Variants in HMGCLL1 observed in about 807,000 individuals in gnomAD.
HMGCLL1 encodes 3-hydroxy-3-methylglutaryl-CoA lyase like 1.
HMGCLL1 carries 36 observed loss-of-function variants against 39.1 expected under a neutral mutation model. That is an observed-to-expected ratio of 0.92 (90% CI 0.71 to 1.22). The LOEUF (loss-of-function observed/expected upper bound fraction) is 1.22, where lower values mean the gene tolerates loss of function less well. Among genes scored for constraint, HMGCLL1 ranks in the 50% most tolerant of loss-of-function variants. HMGCLL1 has a pLI of 0.00. For synonymous variants in HMGCLL1, 149 were observed against 144.0 expected (o/e 1.03, Z -0.25); for missense variants, 451 against 416.5 (o/e 1.08, Z -0.72).
intron 1 of HMGCLL1, among the ~76,000 whole-genome samples, chr6:55,565,222 G>A (rs114367301): frequency 0.016 from 2,378 of 152,124 alleles, 63 homozygotes; most frequent in African/African-American, 0.054. Context: ...GAGTGGCCTA[G>A]AGTGGGTTTT....
the HMGCLL1 span, among the ~76,000 whole-genome samples, chr6:55,585,190 C>A: frequency 6.6e-6 from 1 of 152,024 alleles, no homozygotes; most frequent in Non-Finnish European, 1.5e-5. Context: ...CACCCCACCC[C>A]AGGTGATGAG....
At chr6:55,567,671 C>T (rs1236342850) in intron 1 of HMGCLL1, among the ~76,000 whole-genome samples, 1 of 152,158 alleles carries the variant, frequency 6.6e-6, no homozygotes, top group African/African-American at 2.4e-5. Context: ...GAATGGAGAA[C>T]TGAACTTTCA....
intron 1 of HMGCLL1, among the ~76,000 whole-genome samples, chr6:55,572,008 A>G (rs1458924693): frequency 7.1e-6 from 1 of 141,740 alleles, no homozygotes; most frequent in Non-Finnish European, 1.5e-5. Flanking sequence ...AAAGAAAATT[A>G]AAATGCTAAT....
At chr6:55,646,524 G>A in the HMGCLL1 span, among the ~76,000 whole-genome samples, 1 of 151,628 alleles carries the variant, frequency 6.6e-6, no homozygotes, top group Admixed American at 6.6e-5. Context: ...TGATGCAAGT[G>A]CTTACAACTA....
chr6:55,481,563 G>T (rs1765743268), intron 7 of HMGCLL1, among the ~76,000 whole-genome samples: 1 of 81,736 alleles, frequency 1.2e-5, no homozygotes, highest in Non-Finnish European at 2.6e-5. Flanking sequence ...AATAATAAGT[G>T]GGATACAAGA....
chr6:55,631,357 G>A, the HMGCLL1 span, among the ~76,000 whole-genome samples: 939 of 151,994 alleles, frequency 6.2e-3, 13 homozygotes, highest in African/African-American at 0.021. Context: ...TGGGTGGTAG[G>A]CAATAACTTG....
the HMGCLL1 span, among the ~76,000 whole-genome samples, chr6:55,653,694 C>T: frequency 6.6e-6 from 1 of 152,034 alleles, no homozygotes; most frequent in Middle Eastern, 3.4e-3. Flanking sequence ...TAAGGTATTA[C>T]CAATAGGAAC....
chr6:55,675,216 T>A, the HMGCLL1 span, among the ~76,000 whole-genome samples: 1 of 152,090 alleles, frequency 6.6e-6, no homozygotes, highest in Non-Finnish European at 1.5e-5. Context: ...ACCAGAAGTT[T>A]CGATAGTAAA....
At chr6:55,512,475 G>A (rs1767515541) in intron 5 of HMGCLL1, 1 of 151,892 alleles carries the variant, frequency 6.6e-6, no homozygotes, top group Non-Finnish European at 1.5e-5. Context: ...TATGTCTTTG[G>A]AAGTACATTG....
the HMGCLL1 span, among the ~76,000 whole-genome samples, chr6:55,603,834 C>A: frequency 3.3e-5 from 5 of 152,182 alleles, no homozygotes; most frequent in South Asian, 1.0e-3. Context: ...TAGATTTCTG[C>A]CACAAGAATG....
chr6:55,656,411 A>G, the HMGCLL1 span, among the ~76,000 whole-genome samples: 1 of 151,996 alleles, frequency 6.6e-6, no homozygotes, highest in Non-Finnish European at 1.5e-5. Flanking sequence ...CAGCTAAGCC[A>G]TATTCCTCAG....
chr6:55,646,352 T>C, the HMGCLL1 span, among the ~76,000 whole-genome samples: 1 of 151,902 alleles, frequency 6.6e-6, no homozygotes, highest in South Asian at 2.1e-4. Context: ...TTTTATTTCA[T>C]TAATCTTTTA....
At chr6:55,620,873 T>G in the HMGCLL1 span, among the ~76,000 whole-genome samples, 27 of 152,290 alleles carry the variant, frequency 1.8e-4, no homozygotes, top group African/African-American at 6.5e-4. Context: ...CATTTATTGA[T>G]GAAGCTGTCC....
intron 1 of HMGCLL1, among the ~76,000 whole-genome samples, chr6:55,556,941 G>C (rs1770709707): frequency 6.6e-6 from 1 of 152,138 alleles, no homozygotes; most frequent in African/African-American, 2.4e-5. Context: ...TTACGAGAGG[G>C]AAACAGTCCC....
the HMGCLL1 span, among the ~76,000 whole-genome samples, chr6:55,587,057 G>A: frequency 1.3e-5 from 2 of 152,064 alleles, no homozygotes; most frequent in Non-Finnish European, 2.9e-5. Context: ...TCCAGCATCT[G>A]TTGTTTCCTG....
At chr6:55,601,098 C>G in the HMGCLL1 span, among the ~76,000 whole-genome samples, 6 of 152,040 alleles carry the variant, frequency 3.9e-5, no homozygotes, top group African/African-American at 1.4e-4. Flanking sequence ...CTGAATTTTA[C>G]TTATTAAATA....
At chr6:55,652,659 G>A in the HMGCLL1 span, among the ~76,000 whole-genome samples, 25 of 152,156 alleles carry the variant, frequency 1.6e-4, no homozygotes, top group South Asian at 4.8e-3. Context: ...CATTGTTCCT[G>A]TTTCACAGAA....
At chr6:55,592,416 G>A in the HMGCLL1 span, among the ~76,000 whole-genome samples, 1 of 152,034 alleles carries the variant, frequency 6.6e-6, no homozygotes, top group African/African-American at 2.4e-5. Flanking sequence ...TCAAGTTTAT[G>A]TGCAACATTT....
At chr6:55,617,172 A>G in the HMGCLL1 span, among the ~76,000 whole-genome samples, 1 of 152,114 alleles carries the variant, frequency 6.6e-6, no homozygotes, top group South Asian at 2.1e-4. Flanking sequence ...TTAATAGTTA[A>G]GGACTTAGAC....
Sources: allele counts gnomAD v4.1 joint callset (sites outside exome capture counted in the v4.1 genomes callset), GRCh38; gene constraint gnomAD v4.1.1; transcripts MANE v1.5; gene names NCBI Gene and HGNC (gene_info 2026-07-23, HGNC 2026-07-21).